The following GPR83 variants were observed in gnomAD, a reference collection of about 807,000 sequenced individuals.
GPR83 encodes the protein G protein-coupled receptor 83.
In GPR83, 23 loss-of-function variants were observed where a neutral mutation model predicts 28.0. The observed-to-expected ratio is 0.82, with a 90% confidence interval of 0.59 to 1.16. GPR83 has a LOEUF of 1.16. GPR83 is among the 50% of genes most tolerant of loss of function. The probability of loss-of-function intolerance (pLI) is 0.00; values close to 1 mark genes in which losing one functional copy is unlikely to be tolerated. For missense variants in GPR83, 610 were observed against 536.6 expected (o/e 1.14, Z -1.35); for synonymous variants, 234 against 215.4 (o/e 1.09, Z -0.76).
In GPR83 at chr11:94,378,181, T is replaced by C. The variant is rs1191686616; in HGVS notation, c.*1968A>G. 6.6e-6 allele frequency: 1 copy of C among 152,156 alleles called. No homozygotes were observed. Among genetic ancestry groups the C allele is most frequent in the African/African-American group, 2.4e-5 (1 of 41,430 alleles). The allele number at this position is 152,156 out of a possible 1,614,324, so 9.4% of individuals were successfully genotyped here. ...CATAATTCAGTGAGTTTTCAAAATC[T>C]TGTGTCTTGAAAATTTTCAACCATC... On this transcript the variant is annotated 3_prime_UTR_variant, in exon 4 of 4. Transcript: ENST00000243673.
chr11:94,386,725 AT>A (rs1944760954), intron 3 of GPR83, among the ~76,000 whole-genome samples: 1 of 152,184 alleles, frequency 6.6e-6, no homozygotes, highest in Non-Finnish European at 1.5e-5. Context: ...CACAATAATA[AT>A]GGGAGACTTT....
chr11:94,385,444 C>G (rs1242364990), intron 3 of GPR83, among the ~76,000 whole-genome samples: 1 of 152,066 alleles, frequency 6.6e-6, no homozygotes, highest in Non-Finnish European at 1.5e-5. Flanking sequence ...AAGTTAAAAA[C>G]CTTGAAAAAA....
At chr11:94,395,179 G>C (rs548884406) in intron 2 of GPR83, among the ~76,000 whole-genome samples, 3 of 152,266 alleles carry the variant, frequency 2.0e-5, no homozygotes, top group African/African-American at 7.2e-5. Context: ...TCCCCATCAA[G>C]TTGTCATCCT....
At position 94,396,429 on chromosome 11, in the gene GPR83, T is replaced by C; in HGVS notation, c.483A>G (p.Thr161=). The C allele has an allele frequency of 6.2e-7, 1 of 1,613,982 alleles. No individual in the cohort carries two copies. The highest frequency in any genetic ancestry group is 8.5e-7 in the Non-Finnish European group (1 of 1,179,884). The change falls in exon 2 of 4, where the codon ACA becomes ACG. Residue 161 remains threonine, a synonymous_variant. Coordinates refer to ENST00000243673, the MANE Select transcript of GPR83 (RefSeq NM_016540.4). The part of the protein sequence containing the change: ...QYCSLHVSAL[T]LTAIAVDRHQ... ...GGCGATCCACCGCAATGGCTGTCAG[T>C]GTCAGTGCTGAGACGTGCAGTGAGC...
chr11:94,395,766 C>T (rs1286813411), intron 2 of GPR83, among the ~76,000 whole-genome samples: 1 of 152,344 alleles, frequency 6.6e-6, no homozygotes, highest in Admixed American at 6.5e-5. Flanking sequence ...GCTCCTGCCA[C>T]CTGGACATCC....
chr11:94,388,471 A>G (rs1160440084), intron 3 of GPR83, among the ~76,000 whole-genome samples: 8 of 152,264 alleles, frequency 5.3e-5, no homozygotes, highest in Admixed American at 4.6e-4. Context: ...CAACTTCAGC[A>G]AAGTCTCAGG....
At chr11:94,386,677 C>G (rs1194377532) in intron 3 of GPR83, among the ~76,000 whole-genome samples, 2 of 152,284 alleles carry the variant, frequency 1.3e-5, no homozygotes, top group South Asian at 2.1e-4. Context: ...ATTCATAAAG[C>G]AAGTCCTTAG....
intron 3 of GPR83, among the ~76,000 whole-genome samples, chr11:94,387,911 T>C (rs1385195993): frequency 4.6e-5 from 7 of 152,184 alleles, no homozygotes; most frequent in Non-Finnish European, 8.8e-5. Context: ...CGAACATCAA[T>C]GCAAAAATCC....
At chr11:94,397,367 G>T (rs187299595) in intron 1 of GPR83, among the ~76,000 whole-genome samples, 147 of 152,334 alleles carry the variant, frequency 9.6e-4, no homozygotes, top group African/African-American at 3.2e-3. Context: ...CCAGGGCAGA[G>T]GCGGGCTCAA....
At chr11:94,380,908 T>C (rs879323246) in intron 3 of GPR83, 135 bp from the exon 4 acceptor site, 15 of 689,222 alleles carry the variant, frequency 2.2e-5, no homozygotes, top group Non-Finnish European at 3.6e-5. Flanking sequence ...GCACTTTTGA[T>C]GCTGTAGCCT....
intron 3 of GPR83, among the ~76,000 whole-genome samples, chr11:94,382,244 C>T (rs566853234): frequency 6.1e-5 from 9 of 148,274 alleles, no homozygotes; most frequent in Non-Finnish European, 8.9e-5. Context: ...CCCAGCTACT[C>T]GGGAGGCTGA....
intron 3 of GPR83, among the ~76,000 whole-genome samples, chr11:94,381,988 C>T (rs1280635598): frequency 1.3e-5 from 2 of 152,184 alleles, no homozygotes; most frequent in African/African-American, 4.8e-5. Context: ...CCTGGGAGCA[C>T]TGCCTCAATT....
Position 94,386,556 on chromosome 11 carries a change from C to G in GPR83, c.648-5783G>C, listed in dbSNP as rs189057885. Among the ~76,000 whole-genome samples, 37 of 152,242 alleles carry G rather than the reference C, an allele frequency of 2.4e-4. No homozygotes were observed. The East Asian group carries it at 6.8e-3, about 28-fold the overall frequency. On this transcript the variant is annotated intron_variant, in intron 3 of 3. Transcript: ENST00000243673. The stretch of plus-strand genomic sequence containing the variant: ...AACGCAGGGGTTGCAATCCTAGTCT[C>G]TGATAAAACAGACTTTAAACCAAAG...
In GPR83 at chr11:94,380,484, G is replaced by A. The variant is rs1036631235; in HGVS notation, c.937C>T (p.Leu313Phe). 1.6e-5 allele frequency: 26 copies of A among 1,614,052 alleles called. No individual in the cohort carries two copies. The highest frequency in any genetic ancestry group is 2.1e-5 in the Non-Finnish European group (25 of 1,179,992). ...CGGATGACCTTGCTGGACAGGAGGA[G>A]GACGTAGCAGTTGAGGGGGAACCAG... ...LCWFPLNCYV[L>F]LLSSKVIRTN... Residue 313 changes from leucine to phenylalanine, a missense_variant, in exon 4 of 4, where the codon CTC (leucine) becomes TTC (phenylalanine). Transcript: ENST00000243673.
At position 94,401,389 on chromosome 11, in the gene GPR83, G is replaced by A. The variant is rs1565189880; in HGVS notation, c.-142C>T. The stretch of plus-strand genomic sequence containing the variant: ...AGGGAGCCCGGACGCGCGGAGCACC[G>A]CGCCGCCCGCCACCAGCCCGCGGTC... On this transcript the variant is annotated 5_prime_UTR_variant, in exon 1 of 4. Transcript: ENST00000243673. 6.9e-6 allele frequency: 5 copies of A among 720,586 alleles called. No individual in the cohort carries two copies. The highest frequency in any genetic ancestry group is 4.0e-5 in the Admixed American group (1 of 24,926). The allele number at this position is 720,586 out of a possible 1,614,324, so 44.6% of individuals were successfully genotyped here.
chr11:94,381,338 C>T (rs536619922), intron 3 of GPR83, among the ~76,000 whole-genome samples: 90 of 151,898 alleles, frequency 5.9e-4, no homozygotes, highest in Non-Finnish European at 6.6e-4. Context: ...TCCTGGTGGT[C>T]ATCACTAACA....
At chr11:94,387,394 T>C (rs1343700294) in intron 3 of GPR83, among the ~76,000 whole-genome samples, 1 of 152,072 alleles carries the variant, frequency 6.6e-6, no homozygotes, top group African/African-American at 2.4e-5. Flanking sequence ...CAGGAGCTGG[T>C]TTTTTGAAAA....
chr11:94,400,546 C>CAAAAA (rs34496676), intron 1 of GPR83, among the ~76,000 whole-genome samples: 12 of 117,222 alleles, frequency 1.0e-4, no homozygotes, highest in African/African-American at 4.0e-4. Flanking sequence ...GGCTGAAAGA[C>CAAAAA]AAAAAAAAAA....
Position 94,378,753 on chromosome 11 carries a change from A to G in GPR83, c.*1396T>C, listed in dbSNP as rs1419204854. 2 of 152,642 alleles carry G rather than the reference A, an allele frequency of 1.3e-5. No individual in the cohort carries two copies. Among genetic ancestry groups the G allele is most frequent in the Admixed American group, 6.5e-5 (1 of 15,272 alleles). 9.5% of individuals were successfully genotyped at this position (152,642 alleles called of 1,614,324 possible). A position where few individuals can be genotyped will look rare whatever the true frequency, so the allele number is the denominator to read the frequency against. On this transcript the variant is annotated 3_prime_UTR_variant, in exon 4 of 4. Coordinates refer to ENST00000243673, the MANE Select transcript of GPR83 (RefSeq NM_016540.4). ...GAGGTGTCTAAGCACAATTACTTCCAGCATATTGGAAAGCCTGCTCCCTCA... is the reference window on the plus strand; with the variant it reads ...GAGGTGTCTAAGCACAATTACTTCCGGCATATTGGAAAGCCTGCTCCCTCA...
Sources: allele counts gnomAD v4.1 joint callset (sites outside exome capture counted in the v4.1 genomes callset), GRCh38; gene constraint gnomAD v4.1.1; transcripts MANE v1.5; gene names NCBI Gene and HGNC (gene_info 2026-07-23, HGNC 2026-07-21).